CLYBL: variants seen among roughly 807,000 people sequenced by gnomAD.
CLYBL encodes the protein citramalyl-CoA lyase, also known as citramalyl-CoA lyase, mitochondrial.
Under a neutral mutation model 38.9 loss-of-function variants are expected in CLYBL, and 31 were observed. The ratio of observed to expected loss-of-function variants is 0.80; its 90% CI spans 0.60 to 1.08. CLYBL has a LOEUF of 1.08. Ranked by LOEUF, CLYBL falls within the 50% of genes least tolerant of loss-of-function variation. The probability of loss-of-function intolerance (pLI) is 0.00; values close to 1 mark genes in which losing one functional copy is unlikely to be tolerated. For missense variants in CLYBL, 434 were observed against 411.6 expected, an observed-to-expected ratio of 1.05 and a Z score of -0.47; for synonymous variants, 171 against 158.6, an observed-to-expected ratio of 1.08 and a Z score of -0.59.
rs183013156 is a variant in CLYBL at position 99,846,868 on chromosome 13, G to A, written c.250-11993G>A. ...ACAGCAACGTGGGCACAGCTGAGTC[G>A]GTCTTAACCCACCTTAGGGCATCCT... On this transcript the variant is annotated intron_variant, in intron 2 of 8. Transcript: ENST00000339105. 1.2e-3 allele frequency among the ~76,000 whole-genome samples: 185 copies of A among 152,270 alleles called. 1 individual carries two copies. Among genetic ancestry groups the A allele is most frequent in the African/African-American group, 3.7e-3 (154 of 41,538 alleles).
At chr13:99,855,663 T>C (rs944892051) in intron 2 of CLYBL, among the ~76,000 whole-genome samples, 2 of 152,032 alleles carry the variant, frequency 1.3e-5, no homozygotes, top group African/African-American at 4.8e-5. Flanking sequence ...ACTGTGACTC[T>C]CTCGAACTGA....
chr13:99,872,718 C>T (rs748640072), intron 7 of CLYBL, among the ~76,000 whole-genome samples: 3 of 152,210 alleles, frequency 2.0e-5, no homozygotes, highest in Admixed American at 6.5e-5. Context: ...CAAAGGAGGG[C>T]AGTTGGCATT....
At chr13:99,755,755 C>T (rs2049051691) in intron 1 of CLYBL, among the ~76,000 whole-genome samples, 1 of 152,178 alleles carries the variant, frequency 6.6e-6, no homozygotes, top group African/African-American at 2.4e-5. Context: ...TGGCACACCC[C>T]CTCAGTTTGG....
intron 1 of CLYBL, among the ~76,000 whole-genome samples, chr13:99,682,073 A>G (rs1271209791): frequency 6.6e-6 from 1 of 152,150 alleles, no homozygotes; most frequent in African/African-American, 2.4e-5. Flanking sequence ...TGCCCCTCTG[A>G]CATAAACCTA....
At chr13:99,708,453 G>A (rs1046578792) in intron 1 of CLYBL, among the ~76,000 whole-genome samples, 1 of 152,226 alleles carries the variant, frequency 6.6e-6, no homozygotes, top group African/African-American at 2.4e-5. Flanking sequence ...GGAACACTGA[G>A]ATGATATAGT....
intron 2 of CLYBL, among the ~76,000 whole-genome samples, chr13:99,822,687 C>G (rs147263198): frequency 9.8e-5 from 15 of 152,298 alleles, no homozygotes; most frequent in Non-Finnish European, 2.2e-4. Context: ...GATCACAGCT[C>G]TGACTAAACA....
At position 99,845,073 on chromosome 13, in the gene CLYBL, C is replaced by T. The variant is rs113018586; in HGVS notation, c.250-13788C>T. On this transcript the variant is annotated intron_variant, in intron 2 of 8. Transcript: ENST00000339105. The stretch of plus-strand genomic sequence containing the variant: ...GAACGTTAGTGGTCCTGAAACTAGG[C>T]ATATGTTGTAAGGTGGGGTGATTTT... Among the ~76,000 whole-genome samples the T allele has an allele frequency of 3.0e-3, 461 of 152,288 alleles. 2 individuals are homozygous for T. Among genetic ancestry groups the T allele is most frequent in the African/African-American group, 0.011 (447 of 41,556 alleles).
intron 7 of CLYBL, among the ~76,000 whole-genome samples, chr13:99,884,420 C>A (rs1346146917): frequency 6.6e-6 from 1 of 152,170 alleles, no homozygotes; most frequent in African/African-American, 2.4e-5. Context: ...CTGACCCTTT[C>A]CCCTGCTTAG....
chr13:99,878,850 C>A (rs1267284256), intron 7 of CLYBL, among the ~76,000 whole-genome samples: 1 of 152,166 alleles, frequency 6.6e-6, no homozygotes, highest in African/African-American at 2.4e-5. Flanking sequence ...CCTACTCTTG[C>A]CTGATTATTC....
intron 1 of CLYBL, among the ~76,000 whole-genome samples, chr13:99,713,598 C>T (rs1425228108): frequency 6.6e-6 from 1 of 152,060 alleles, no homozygotes; most frequent in Non-Finnish European, 1.5e-5. Context: ...CCTTGGCCTT[C>T]CAAAGTGCTG....
chr13:99,775,194 T>C (rs2761174), intron 2 of CLYBL, among the ~76,000 whole-genome samples: 120,896 of 152,086 alleles, frequency 0.79, 48,230 homozygotes, highest in Middle Eastern at 0.84. Flanking sequence ...AATCTTGAGG[T>C]TGTCCTCCAA....
At chr13:99,891,627 T>C (rs1021972974) in intron 8 of CLYBL, 190 bp downstream of exon 8, 74 of 506,784 alleles carry the variant, frequency 1.5e-4, no homozygotes, top group Non-Finnish European at 2.0e-4. Flanking sequence ...AAGCTTATGA[T>C]TTTATCATTT....
Position 99,711,782 on chromosome 13 carries a change from C to A in CLYBL, c.63-61042C>A, listed in dbSNP as rs370787552. Among the ~76,000 whole-genome samples the A allele has an allele frequency of 4.7e-5, 7 of 150,424 alleles. 1 individual carries two copies. The South Asian group carries it at 1.5e-3, about 32-fold the overall frequency. ...CCAGGCTGGAGTCCAGTGGTGCCAT[C>A]TTGGCTCACGGCAACCTTCACCTCC... On this transcript the variant is annotated intron_variant, in intron 1 of 8. Transcript: ENST00000339105.
intron 1 of CLYBL, among the ~76,000 whole-genome samples, chr13:99,607,662 A>G (rs2046549444): frequency 6.6e-6 from 1 of 152,226 alleles, no homozygotes; most frequent in Non-Finnish European, 1.5e-5. Context: ...AAGGTTAAGG[A>G]TTCTCAAAGC....
intron 7 of CLYBL, among the ~76,000 whole-genome samples, chr13:99,880,069 T>TATATATATA (rs376889710): frequency 0.012 from 693 of 57,586 alleles, 8 homozygotes; most frequent in East Asian, 0.024. Flanking sequence ...TATATATATA[T>TATATATATA]TTTTTTTTTT....
intron 2 of CLYBL, among the ~76,000 whole-genome samples, chr13:99,783,706 A>G (rs929455809): frequency 2.0e-5 from 3 of 152,116 alleles, no homozygotes; most frequent in African/African-American, 2.4e-5. Flanking sequence ...CGGCCTCCCA[A>G]AGTGCTGGGA....
At chr13:99,649,948 C>A (rs969694689) in intron 1 of CLYBL, among the ~76,000 whole-genome samples, 4 of 151,698 alleles carry the variant, frequency 2.6e-5, no homozygotes, top group African/African-American at 9.7e-5. Flanking sequence ...AAGACCTCAT[C>A]CCTACAAAAA....
At chr13:99,676,921 A>T (rs1423896843) in intron 1 of CLYBL, among the ~76,000 whole-genome samples, 1 of 151,840 alleles carries the variant, frequency 6.6e-6, no homozygotes, top group Non-Finnish European at 1.5e-5. Context: ...TCTTAATAAT[A>T]TTCCCAAATG....
chr13:99,839,151 T>A (rs1175578000), intron 2 of CLYBL, among the ~76,000 whole-genome samples: 1 of 152,186 alleles, frequency 6.6e-6, no homozygotes, highest in African/African-American at 2.4e-5. Context: ...AGGTGGGGCA[T>A]AGCATCTGGA....
Sources: gnomAD v4.1 joint callset for allele counts (sites outside exome capture counted in the v4.1 genomes callset) on GRCh38, gnomAD v4.1.1 for gene constraint, MANE v1.5 for transcripts, NCBI Gene and HGNC (gene_info 2026-07-23, HGNC 2026-07-21) for gene names.